The following SLC39A8 variants were observed in gnomAD, a reference collection of about 807,000 sequenced individuals.
The protein encoded by SLC39A8 is metal cation symporter ZIP8.
Under a neutral mutation model 40.4 loss-of-function variants are expected in SLC39A8, and 15 were observed. That is an observed-to-expected ratio of 0.37 (90% CI 0.25 to 0.57). The LOEUF is 0.57. Among genes scored for constraint, SLC39A8 ranks in the 20% least tolerant of loss-of-function variants. The pLI, the probability that SLC39A8 is intolerant of heterozygous loss-of-function variation, is 0.75. For synonymous variants in SLC39A8, 223 were observed against 221.6 expected, an observed-to-expected ratio of 1.01 and a Z score of -0.06; for missense variants, 472 against 558.8, an observed-to-expected ratio of 0.84 and a Z score of 1.57.
chr4:102,313,169 A>G (rs1181336262), intron 3 of SLC39A8, among the ~76,000 whole-genome samples: 1 of 152,160 alleles, frequency 6.6e-6, no homozygotes, highest in Non-Finnish European at 1.5e-5. Flanking sequence ...AATATCAATG[A>G]GAACATGGGT....
At chr4:102,253,237 TACAA>T (rs1334594525) in exon 12 of SLC39A8, 4 of 416,972 alleles carry the variant, frequency 9.6e-6, no homozygotes, top group South Asian at 9.2e-5. Context: ...GTGTCACACC[TACAA>T]ACAAAGTCCC....
At chr4:102,322,393 C>A (rs895039422) in intron 2 of SLC39A8, among the ~76,000 whole-genome samples, 7 of 152,072 alleles carry the variant, frequency 4.6e-5, no homozygotes, top group Admixed American at 3.9e-4. Context: ...TTTTTTCACT[C>A]TTACAAATAA....
In SLC39A8 at chr4:102,262,736, A is replaced by T; in HGVS notation, c.*308T>A. On this transcript the variant is annotated 3_prime_UTR_variant, in exon 9 of 9. Transcript: ENST00000356736. ...TATTTTCCCCTGAGTCTGAGTGTCTACATGATTATAGAATGCATGTCTCTT... is the reference window on the plus strand; with the variant it reads ...TATTTTCCCCTGAGTCTGAGTGTCTTCATGATTATAGAATGCATGTCTCTT... 1 of 1,048,972 alleles carries T rather than the reference A, an allele frequency of 9.5e-7. No individual in the cohort carries two copies. Among genetic ancestry groups the T allele is most frequent in the Non-Finnish European group, 1.1e-6 (1 of 870,846 alleles). 65.0% of individuals were successfully genotyped at this position (1,048,972 alleles called of 1,614,324 possible).
At position 102,304,306 on chromosome 4, in the gene SLC39A8, T is replaced by A; in HGVS notation, c.840+11A>T. ...GCAGTATAATGAAGGAAAAATGGAA[T>A]TAACATATACCTGTAGAGATACCAC... is the stretch of plus-strand genomic sequence containing the variant. On this transcript the variant is annotated intron_variant, in intron 6 of 8. Coordinates refer to ENST00000356736, the MANE Select transcript of SLC39A8 (RefSeq NM_001135146.2). 1 of 1,600,608 alleles carries A rather than the reference T, an allele frequency of 6.2e-7. No homozygotes were observed. Among genetic ancestry groups the A allele is most frequent in the Non-Finnish European group, 8.5e-7 (1 of 1,170,370 alleles).
chr4:102,331,510 T>C (rs6814546), intron 2 of SLC39A8, among the ~76,000 whole-genome samples: 1 of 152,004 alleles, frequency 6.6e-6, no homozygotes, highest in African/African-American at 2.4e-5. Context: ...CTCAACAAAA[T>C]AAGAGAGGAC....
intron 6 of SLC39A8, among the ~76,000 whole-genome samples, chr4:102,279,116 G>A (rs925667806): frequency 1.3e-5 from 2 of 151,570 alleles, no homozygotes; most frequent in Admixed American, 1.3e-4. Flanking sequence ...TACACGTTCT[G>A]CACATGTATC....
At chr4:102,326,990 A>C (rs768797000) in intron 2 of SLC39A8, among the ~76,000 whole-genome samples, 1 of 152,184 alleles carries the variant, frequency 6.6e-6, no homozygotes, top group Non-Finnish European at 1.5e-5. Flanking sequence ...CTTCAAAATT[A>C]CACATTTCTG....
rs568589279 is a variant in SLC39A8, at chr4:102,273,783, T to C, written c.841-5704A>G. On this transcript the variant is annotated intron_variant, in intron 6 of 8. Coordinates refer to ENST00000356736, the MANE Select transcript of SLC39A8 (RefSeq NM_001135146.2). ...GCAATCTTTGCTGTTCTACAGCCAA[T>C]GCTGGTGATACCCAGGCAAACAGGG... Among the ~76,000 whole-genome samples the C allele has an allele frequency of 4.6e-5, 7 of 152,322 alleles. 1 individual carries two copies. Among genetic ancestry groups the C allele is most frequent in the African/African-American group, 1.7e-4 (7 of 41,562 alleles).
chr4:102,259,830 C>G (rs1416813866), downstream of SLC39A8, among the ~76,000 whole-genome samples: 1 of 152,154 alleles, frequency 6.6e-6, no homozygotes, highest in Non-Finnish European at 1.5e-5. Context: ...TTTAAATTTA[C>G]TTTTGCCAGT....
intron 6 of SLC39A8, among the ~76,000 whole-genome samples, chr4:102,281,254 G>C (rs1267951280): frequency 6.6e-6 from 1 of 152,148 alleles, no homozygotes; most frequent in African/African-American, 2.4e-5. Context: ...TCAGTTGCTA[G>C]GATCCTTAAA....
chr4:102,292,829 A>AC (rs1299191465), intron 6 of SLC39A8, among the ~76,000 whole-genome samples: 1 of 152,052 alleles, frequency 6.6e-6, no homozygotes, highest in Non-Finnish European at 1.5e-5. Flanking sequence ...TTTAATGCAT[A>AC]CCTACTCTTA....
chr4:102,265,110 T>G (rs1376357545), intron 8 of SLC39A8, among the ~76,000 whole-genome samples: 1 of 152,238 alleles, frequency 6.6e-6, no homozygotes, highest in Non-Finnish European at 1.5e-5. Context: ...AAACAAAGTC[T>G]AGCTTTTGGC....
At chr4:102,266,671 A>G (rs373525176) in intron 8 of SLC39A8, among the ~76,000 whole-genome samples, 2 of 135,842 alleles carry the variant, frequency 1.5e-5, no homozygotes, top group South Asian at 2.1e-4. Flanking sequence ...ACAGTGGCAC[A>G]ATCTCGGCTC....
At chr4:102,341,441 C>T (rs753672293) in intron 2 of SLC39A8, among the ~76,000 whole-genome samples, 10 of 152,142 alleles carry the variant, frequency 6.6e-5, no homozygotes, top group Non-Finnish European at 1.5e-4. Flanking sequence ...AGCACTGAGG[C>T]CATTCTTAAA....
downstream of SLC39A8, among the ~76,000 whole-genome samples, chr4:102,257,358 A>G (rs1731731415): frequency 6.6e-6 from 1 of 152,018 alleles, no homozygotes; most frequent in African/African-American, 2.4e-5. Flanking sequence ...TTTTCTAGTA[A>G]TTTCTTTGAA....
intron 6 of SLC39A8, 107 bp from the exon 7 acceptor site, chr4:102,268,186 A>G (rs1447035952): frequency 1.0e-5 from 12 of 1,164,436 alleles, no homozygotes; most frequent in Non-Finnish European, 1.5e-5. Flanking sequence ...GTTCCAACAG[A>G]AAGTCTTTTA....
chr4:102,261,787 A>G lies in SLC39A8; in HGVS notation c.*1257T>C. On this transcript the variant is annotated 3_prime_UTR_variant, in exon 9 of 9. Coordinates refer to ENST00000356736, the MANE Select transcript of SLC39A8 (RefSeq NM_001135146.2). The stretch of plus-strand genomic sequence containing the variant: ...CAAATCTGCATTGCTGCTACATGAA[A>G]ACATTTTTTGGTCTGTTGGAAAATG... 1.0e-6 allele frequency: 1 copy of G among 985,926 alleles called. No individual in the cohort carries two copies. The highest frequency in any genetic ancestry group is 1.2e-6 in the Non-Finnish European group (1 of 829,874). 61.1% of individuals were successfully genotyped at this position (985,926 alleles called of 1,614,324 possible). A position where few individuals can be genotyped will look rare whatever the true frequency, so the allele number is the denominator to read the frequency against.
chr4:102,337,549 A>G (rs1735728145), intron 2 of SLC39A8, among the ~76,000 whole-genome samples: 1 of 152,206 alleles, frequency 6.6e-6, no homozygotes, highest in African/African-American at 2.4e-5. Flanking sequence ...GTTAAGAGTC[A>G]GTGATTCTGT....
intron 6 of SLC39A8, among the ~76,000 whole-genome samples, chr4:102,273,617 C>T (rs866250461): frequency 6.6e-6 from 1 of 152,228 alleles, no homozygotes; most frequent in Non-Finnish European, 1.5e-5. Context: ...ACTGCCTCCT[C>T]AAGTGGGTCC....
Sources: gnomAD v4.1 joint callset for allele counts (sites outside exome capture counted in the v4.1 genomes callset) on GRCh38, gnomAD v4.1.1 for gene constraint, MANE v1.5 for transcripts, NCBI Gene and HGNC (gene_info 2026-07-23, HGNC 2026-07-21) for gene names.